Variants in PTPRU observed in about 807,000 individuals in gnomAD.
PTPRU encodes the protein protein tyrosine phosphatase receptor type U.
PTPRU carries 69 observed loss-of-function variants against 166.3 expected under a neutral mutation model. The ratio of observed to expected loss-of-function variants is 0.41; its 90% confidence interval spans 0.34 to 0.51. PTPRU has a LOEUF of 0.51. Among genes scored for constraint, PTPRU ranks in the 20% least tolerant of loss-of-function variants. The pLI is 0.09. For missense variants in PTPRU, 1,657 were observed against 2,013.7 expected, an observed-to-expected ratio of 0.82 and a Z score of 3.39; for synonymous variants, 793 against 814.0, an observed-to-expected ratio of 0.97 and a Z score of 0.44.
intron 18 of PTPRU, among the ~76,000 whole-genome samples, chr1:29,308,299 T>TTC (rs1299028115): frequency 1.3e-5 from 2 of 150,788 alleles, no homozygotes; most frequent in Non-Finnish European, 1.5e-5. Flanking sequence ...TTTTTTTTTT[T>TTC]TAAGAGATGG....
chr1:29,325,860 A>G lies in PTPRU; in HGVS notation c.*199A>G, dbSNP rs2151973572. The G allele has an allele frequency of 3.3e-6, 2 of 607,064 alleles. No homozygotes were observed. Among genetic ancestry groups the G allele is most frequent in the South Asian group, 2.3e-5 (1 of 42,766 alleles). 37.6% of individuals were successfully genotyped at this position (607,064 alleles called of 1,614,324 possible). ...TGTCCCATGGGCGGGTGGTGGGCCA[A>G]GGAGGAGCTTAGCAAGTCTGCAGCC... On this transcript the variant is annotated 3_prime_UTR_variant, in exon 30 of 30. Coordinates refer to ENST00000373779, the MANE Select transcript of PTPRU (RefSeq NM_133178.4).
intron 7 of PTPRU, among the ~76,000 whole-genome samples, chr1:29,268,223 C>T (rs1437031059): frequency 1.3e-5 from 2 of 152,076 alleles, no homozygotes; most frequent in African/African-American, 2.4e-5. Context: ...GGAAGGGGTT[C>T]GGGCTGCAGA....
At position 29,315,283 on chromosome 1, in the gene PTPRU, A is replaced by G; in HGVS notation, c.3228-89A>G. On this transcript the variant is annotated intron_variant, in intron 22 of 29. Coordinates refer to ENST00000373779, the MANE Select transcript of PTPRU (RefSeq NM_133178.4). This position sits in a 1 kb window ranked among gnomAD's most constrained non-coding sequence, Gnocchi z 4.5. ...TGTCCGTGTCCCCTGTATGGTGTAG[A>G]CATGGCCAGTGCCCTCCTCTCTTCT... 1 of 1,527,324 alleles carries G rather than the reference A, an allele frequency of 6.5e-7. No individual in the cohort carries two copies. 94.6% of individuals were successfully genotyped at this position (1,527,324 alleles called of 1,614,324 possible).
chr1:29,311,419 T>C lies in PTPRU; in HGVS notation c.2858-37T>C. 1 of 1,604,946 alleles carries C rather than the reference T, an allele frequency of 6.2e-7. No individual in the cohort carries two copies. The highest frequency in any genetic ancestry group is 1.1e-5 in the South Asian group (1 of 90,872). On this transcript the variant is annotated intron_variant, in intron 19 of 29. Coordinates refer to ENST00000373779, the MANE Select transcript of PTPRU (RefSeq NM_133178.4). The surrounding 1 kb of genome is among the most constrained non-coding windows in gnomAD (Gnocchi z 4.1). Reference sequence around the variant, plus strand: ...ATGTGCTGACCTGGGGTGGAGACCTTGTCTCAGGGACAGGCACCCTCTGCC... The same window carrying C: ...ATGTGCTGACCTGGGGTGGAGACCTCGTCTCAGGGACAGGCACCCTCTGCC...
rs953833170 is a variant in PTPRU at position 29,289,125 on chromosome 1, C to A, written c.2319-2744C>A. ...GGCTGACCCCTTATGGGCAGAGGGCCGTGCAGGGTGGGAGGGTGGGGGATG... is the reference window on the plus strand; with the variant it reads ...GGCTGACCCCTTATGGGCAGAGGGCAGTGCAGGGTGGGAGGGTGGGGGATG... On this transcript the variant is annotated intron_variant, in intron 14 of 29. Transcript: ENST00000373779. Among the ~76,000 whole-genome samples the A allele has an allele frequency of 1.1e-4, 9 of 81,360 alleles. No individual in the cohort carries two copies. In the Admixed American group the frequency reaches 1.6e-3, roughly 14 times the overall value. The allele number at this position is 81,360 out of a possible 152,430, so 53.4% of individuals were successfully genotyped here.
rs766864462 is a variant in PTPRU at position 29,259,540 on chromosome 1, C to G, written c.651C>G (p.Ala217=). The change falls in exon 5 of 30, where the codon GCC becomes GCG. Residue 217 remains alanine, a synonymous_variant. Coordinates refer to ENST00000373779, the MANE Select transcript of PTPRU (RefSeq NM_133178.4). The part of the protein sequence containing the change: ...SFQCMAAGRA[A]EAERFLLQRQ... Reference sequence around the variant, plus strand: ...AGTGCATGGCCGCGGGCAGAGCGGCCGAGGCCGAACGCTTCCTCTTGCAAG... The same window carrying G: ...AGTGCATGGCCGCGGGCAGAGCGGCGGAGGCCGAACGCTTCCTCTTGCAAG... 14 of 1,370,682 alleles carry G rather than the reference C, an allele frequency of 1.0e-5. No homozygotes were observed. In the East Asian group the frequency reaches 2.5e-4, roughly 25 times the overall value. 84.9% of individuals were successfully genotyped at this position (1,370,682 alleles called of 1,614,324 possible). A position where few individuals can be genotyped will look rare whatever the true frequency, so the allele number is the denominator to read the frequency against.
rs980973204 is a variant in PTPRU, at chr1:29,255,208, C to T, written c.74-67C>T. 95 of 1,545,990 alleles carry T rather than the reference C, an allele frequency of 6.1e-5. 1 individual carries two copies. The highest frequency in any genetic ancestry group is 5.3e-5 in the Non-Finnish European group (60 of 1,138,798). On this transcript the variant is annotated intron_variant, in intron 1 of 29. Transcript: ENST00000373779. ...CTGGGTAGAAGGGAGAGTGGGGCTACCCTCCAGGAGCCCTCCTGGCCAGCA... is the reference window on the plus strand; with the variant it reads ...CTGGGTAGAAGGGAGAGTGGGGCTATCCTCCAGGAGCCCTCCTGGCCAGCA...
intron 1 of PTPRU, among the ~76,000 whole-genome samples, chr1:29,252,847 C>T (rs1684616634): frequency 6.6e-6 from 1 of 152,192 alleles, no homozygotes; most frequent in Admixed American, 6.5e-5. Flanking sequence ...TCCCCACCAC[C>T]AAGCAAGCAA....
At chr1:29,247,201 A>T (rs952453640) in intron 1 of PTPRU, among the ~76,000 whole-genome samples, 4 of 152,186 alleles carry the variant, frequency 2.6e-5, no homozygotes, top group Non-Finnish European at 5.9e-5. Flanking sequence ...ATTCCTCCAT[A>T]CACCTATCAC....
At chr1:29,256,673 C>T (rs1054804201) in intron 2 of PTPRU, among the ~76,000 whole-genome samples, 8 of 152,226 alleles carry the variant, frequency 5.3e-5, no homozygotes, top group African/African-American at 1.9e-4. Flanking sequence ...GTGGGTATCA[C>T]AGTTTGCCTT....
chr1:29,264,609 G>A (rs1252847525), intron 7 of PTPRU, among the ~76,000 whole-genome samples: 6 of 151,864 alleles, frequency 4.0e-5, no homozygotes, highest in Middle Eastern at 3.4e-3. Flanking sequence ...AGGTTCAAGC[G>A]ATTCTCATGC....
chr1:29,256,821 A>G (rs1163251377), intron 2 of PTPRU, among the ~76,000 whole-genome samples: 1 of 152,114 alleles, frequency 6.6e-6, no homozygotes, highest in Non-Finnish European at 1.5e-5. Context: ...CACCTCTTAT[A>G]GTACTGACCA....
At chr1:29,258,298 T>A (rs1684861868) in intron 2 of PTPRU, among the ~76,000 whole-genome samples, 1 of 152,160 alleles carries the variant, frequency 6.6e-6, no homozygotes, top group South Asian at 2.1e-4. Flanking sequence ...GGTTTGTGTG[T>A]TTTTTACTGC....
In PTPRU at chr1:29,258,715, A is replaced by C. The variant is rs549250970; in HGVS notation, c.416A>C (p.His139Pro). 3.7e-6 allele frequency: 6 copies of C among 1,610,214 alleles called. No homozygotes were observed. In the African/African-American group the frequency reaches 6.7e-5, roughly 18 times the overall value. ...GCTGTGTGGAATATGACTGGATCCCACGGCCGTCAGTGGCACCAGGCTGAG... is the reference window on the plus strand; with the variant it reads ...GCTGTGTGGAATATGACTGGATCCCCCGGCCGTCAGTGGCACCAGGCTGAG... ...GSAVWNMTGS[H>P]GRQWHQAELA... Residue 139 changes from histidine (H) to proline (P), a missense_variant, in exon 3 of 30, where the codon CAC becomes CCC. His to Pro is a moderately conservative substitution (Grantham distance 77). This residue lies in a region of PTPRU where 453 missense variants were observed against 496.9 expected (regional missense o/e 0.91). Coordinates refer to ENST00000373779, the MANE Select transcript of PTPRU (RefSeq NM_133178.4).
intron 1 of PTPRU, among the ~76,000 whole-genome samples, chr1:29,249,839 G>A (rs1684471799): frequency 6.6e-6 from 1 of 152,054 alleles, no homozygotes; most frequent in African/African-American, 2.4e-5. Context: ...CTGAATCCAG[G>A]ATGAGATAAA....
Position 29,260,982 on chromosome 1 carries a change from G to T in PTPRU, c.1144+79G>T. 1.4e-6 allele frequency: 2 copies of T among 1,405,276 alleles called. No individual in the cohort carries two copies. The highest frequency in any genetic ancestry group is 1.9e-6 in the Non-Finnish European group (2 of 1,074,944). 87.1% of individuals were successfully genotyped at this position (1,405,276 alleles called of 1,614,324 possible). On this transcript the variant is annotated intron_variant, in intron 7 of 29. Transcript: ENST00000373779. This position sits in a 1 kb window ranked among gnomAD's most constrained non-coding sequence, Gnocchi z 8.3. The stretch of plus-strand genomic sequence containing the variant: ...AGGGGCGCATTCGAGAGGTAGCGTG[G>T]CCTGTGCTTGTAAACCTTTCTAAAA...
intron 1 of PTPRU, among the ~76,000 whole-genome samples, chr1:29,241,701 T>C (rs1413295562): frequency 1.3e-5 from 2 of 151,418 alleles, no homozygotes; most frequent in Non-Finnish European, 2.9e-5. Context: ...TTCAAGTGAT[T>C]CTCCTGCCTC....
At position 29,238,924 on chromosome 1, in the gene PTPRU, C is replaced by T. The variant is rs1457232922; in HGVS notation, c.73+2207C>T. On this transcript the variant is annotated intron_variant, in intron 1 of 29. Coordinates refer to ENST00000373779, the MANE Select transcript of PTPRU (RefSeq NM_133178.4). The surrounding 1 kb of genome is among the most constrained non-coding windows in gnomAD (Gnocchi z 6.1). ...GATGCCTCAGTTTCCTCTTCTGCCT[C>T]ATAGCCATCATGATAATGGTGTATG... Among the ~76,000 whole-genome samples the T allele has an allele frequency of 6.6e-6, 1 of 152,206 alleles. No homozygotes were observed. Among genetic ancestry groups the T allele is most frequent in the Non-Finnish European group, 1.5e-5 (1 of 68,038 alleles).
In PTPRU at chr1:29,325,783, T is replaced by A. The variant is rs1258565450; in HGVS notation, c.*122T>A. The A allele has an allele frequency of 1.5e-5, 17 of 1,108,738 alleles. No individual in the cohort carries two copies. Among genetic ancestry groups the A allele is most frequent in the Non-Finnish European group, 2.0e-5 (16 of 790,114 alleles). The allele number at this position is 1,108,738 out of a possible 1,614,324, so 68.7% of individuals were successfully genotyped here. ...CACTCCCATGGGGCAAGCACTGGAG[T>A]GGATGCTGGGCTATCTTGCTCCCCC... On this transcript the variant is annotated 3_prime_UTR_variant, in exon 30 of 30. Transcript: ENST00000373779.
Sources: allele counts gnomAD v4.1 joint callset (sites outside exome capture counted in the v4.1 genomes callset), GRCh38; gene constraint gnomAD v4.1.1; regional missense constraint gnomAD v4.1.1; non-coding constraint Gnocchi (gnomAD v3.1); transcripts MANE v1.5; gene names NCBI Gene and HGNC (gene_info 2026-07-23, HGNC 2026-07-21).